The following RUFY2 variants were observed in gnomAD, a reference collection of about 807,000 sequenced individuals.
RUFY2 encodes RUN and FYVE domain-containing protein 2.
RUFY2 carries 49 observed loss-of-function variants against 94.4 expected under a neutral mutation model. That is an observed-to-expected ratio of 0.52 (90% confidence interval 0.41 to 0.66). The LOEUF is 0.66. RUFY2 is among the 30% of genes least tolerant of loss of function. RUFY2 has a pLI of 0.00. For missense variants in RUFY2, 541 were observed against 692.8 expected, an observed-to-expected ratio of 0.78 and a Z score of 2.46; for synonymous variants, 255 against 235.7, an observed-to-expected ratio of 1.08 and a Z score of -0.75.
chr10:68,394,225 T>C (rs930404388), intron 5 of RUFY2, 89 bp from the exon 6 acceptor site: 123 of 1,566,508 alleles, frequency 7.9e-5, no homozygotes, highest in Non-Finnish European at 4.3e-5. Context: ...AATATTCCTT[T>C]AGTGTTTAAC....
intron 4 of RUFY2, among the ~76,000 whole-genome samples, chr10:68,395,995 T>A (rs1450134372): frequency 1.3e-5 from 2 of 152,146 alleles, no homozygotes; most frequent in Non-Finnish European, 2.9e-5. Context: ...ATGTTTGGCC[T>A]TCGTTTTATT....
chr10:68,404,817 C>A lies in RUFY2; in HGVS notation c.32G>T (p.Arg11Ile). The A allele has an allele frequency of 1.9e-6, 3 of 1,600,140 alleles. No individual in the cohort carries two copies. Among genetic ancestry groups the A allele is most frequent in the Non-Finnish European group, 1.7e-6 (2 of 1,173,558 alleles). Residue 11 changes from arginine to isoleucine, a missense_variant, in exon 2 of 18, where the codon AGA becomes ATA. Arg to Ile is a moderately conservative substitution (Grantham distance 97). This residue lies in a region of RUFY2 where 53 missense variants were observed against 58.6 expected (regional missense o/e 0.90). Coordinates refer to ENST00000602465, the MANE Select transcript of RUFY2 (RefSeq NM_001330103.2). ...TTTAGCCATGTTTAACAAGTTTGCT[C>A]TCTCTACAGCTGTGGGGTCTTTTGT... MATKDPTAVE[R>I]ANLLNMAKLS...
In RUFY2 at chr10:68,345,671, G is replaced by A. The variant is rs573363026; in HGVS notation, c.*97C>T. 162 of 1,127,074 alleles carry A rather than the reference G, an allele frequency of 1.4e-4. 1 individual carries two copies. Among genetic ancestry groups the A allele is most frequent in the South Asian group, 3.3e-4 (21 of 63,146 alleles). The allele number at this position is 1,127,074 out of a possible 1,614,324, so 69.8% of individuals were successfully genotyped here. A position where few individuals can be genotyped will look rare whatever the true frequency, so the allele number is the denominator to read the frequency against. On this transcript the variant is annotated 3_prime_UTR_variant, in exon 18 of 18. Transcript: ENST00000602465. ...GATAAACTGGTACCAAATACTGACC[G>A]AAAGCCGCTTAAGGAGAGCTGTCTG...
At chr10:68,393,935 T>C in intron 6 of RUFY2, 140 bp downstream of exon 6, 2 of 1,400,774 alleles carry the variant, frequency 1.4e-6, no homozygotes, top group Non-Finnish European at 1.9e-6. Context: ...AAGCTTGTAA[T>C]GGAAGTGAAA....
Position 68,345,549 on chromosome 10 carries a change from A to C in RUFY2, c.*219T>G. ...CTGCTCTCTGGCCTTTTAATGAGTT[A>C]CATGATTTTTAAGCATGCTCTGTTG... On this transcript the variant is annotated 3_prime_UTR_variant, in exon 18 of 18. Coordinates refer to ENST00000602465, the MANE Select transcript of RUFY2 (RefSeq NM_001330103.2). 2.0e-6 allele frequency: 1 copy of C among 490,350 alleles called. No individual in the cohort carries two copies. The allele number at this position is 490,350 out of a possible 1,614,324, so 30.4% of individuals were successfully genotyped here.
At chr10:68,380,467 T>C (rs915257640) in intron 11 of RUFY2, among the ~76,000 whole-genome samples, 3 of 152,078 alleles carry the variant, frequency 2.0e-5, no homozygotes, top group Admixed American at 1.3e-4. Context: ...TTTTGGAAGA[T>C]GACAGAATAC....
chr10:68,380,640 T>G (rs1253813894), intron 11 of RUFY2, among the ~76,000 whole-genome samples: 2 of 152,198 alleles, frequency 1.3e-5, no homozygotes, highest in East Asian at 3.9e-4. Context: ...GGTGGGCGGA[T>G]CACCTGAGGT....
At chr10:68,394,553 G>T in intron 4 of RUFY2, 102 bp from the exon 5 acceptor site, 2 of 778,902 alleles carry the variant, frequency 2.6e-6, no homozygotes, top group Non-Finnish European at 4.2e-6. Flanking sequence ...TTACAGAAAT[G>T]GAAGCCATCT....
At chr10:68,351,728 G>A (rs559511350) in intron 16 of RUFY2, among the ~76,000 whole-genome samples, 23 of 150,184 alleles carry the variant, frequency 1.5e-4, no homozygotes, top group African/African-American at 2.2e-4. Flanking sequence ...GATTACAGGC[G>A]TGAGCCACTG....
intron 6 of RUFY2, chr10:68,393,728 CAA>C (rs1177351333): frequency 9.3e-4 from 218 of 233,566 alleles, no homozygotes; most frequent in South Asian, 1.7e-3. Context: ...GACTGTGTCT[CAA>C]AAAAAAAAAA....
At position 68,369,890 on chromosome 10, in the gene RUFY2, T is replaced by C. The variant is rs2048134958; in HGVS notation, c.1326-5777A>G. On this transcript the variant is annotated intron_variant, in intron 13 of 17. Coordinates refer to ENST00000602465, the MANE Select transcript of RUFY2 (RefSeq NM_001330103.2). ...TCACCAGAAGATGACCAAATGTAGCTGCCCAATCTTGGACTTCCCAGATTC... is the reference window on the plus strand; with the variant it reads ...TCACCAGAAGATGACCAAATGTAGCCGCCCAATCTTGGACTTCCCAGATTC... Among the ~76,000 whole-genome samples the C allele has an allele frequency of 3.3e-5, 5 of 152,220 alleles. No individual in the cohort carries two copies. In the South Asian group the frequency reaches 1.0e-3, roughly 31 times the overall value.
rs563117762 is a variant in RUFY2 at position 68,379,878 on chromosome 10, C to T, written c.1108-357G>A. 3.0e-4 allele frequency among the ~76,000 whole-genome samples: 45 copies of T among 151,300 alleles called. 1 individual carries two copies. The South Asian group carries it at 9.4e-3, about 32-fold the overall frequency. Reference sequence around the variant, plus strand: ...GCTGGAGTGCAGTGGCACCATCTCGCCTCACTGCAAGCTCCGCCTCTCAGG... The same window carrying T: ...GCTGGAGTGCAGTGGCACCATCTCGTCTCACTGCAAGCTCCGCCTCTCAGG... On this transcript the variant is annotated intron_variant, in intron 11 of 17. Coordinates refer to ENST00000602465, the MANE Select transcript of RUFY2 (RefSeq NM_001330103.2).
chr10:68,351,445 C>CT (rs71009049), intron 16 of RUFY2, among the ~76,000 whole-genome samples: 56 of 63,206 alleles, frequency 8.9e-4, no homozygotes, highest in Non-Finnish European at 1.1e-3. Flanking sequence ...CTCCACCCAT[C>CT]TTTTTTTTTT....
At chr10:68,373,988 T>C (rs1474603663) in intron 13 of RUFY2, among the ~76,000 whole-genome samples, 1 of 151,186 alleles carries the variant, frequency 6.6e-6, no homozygotes, top group Non-Finnish European at 1.5e-5. Flanking sequence ...GGTGGCACAA[T>C]GCCTAAGGTC....
chr10:68,394,567 T>C, intron 4 of RUFY2, 116 bp from the exon 5 acceptor site: 1 of 631,974 alleles, frequency 1.6e-6, no homozygotes, highest in Middle Eastern at 3.2e-4. Context: ...GCCATCTCAG[T>C]TAGGTGCCTT....
At chr10:68,377,436 G>C in intron 12 of RUFY2, 1 of 996,176 alleles carries the variant, frequency 1.0e-6, no homozygotes, top group Non-Finnish European at 1.2e-6. Context: ...CAAGAGCAAA[G>C]ACCTGCAATT....
chr10:68,384,218 G>A, intron 8 of RUFY2, 66 bp from the exon 9 acceptor site: 1 of 1,501,174 alleles, frequency 6.7e-7, no homozygotes. Context: ...TGCAGGTTAT[G>A]TGCATGGCCA....
At position 68,363,959 on chromosome 10, in the gene RUFY2, T is replaced by G. The variant is rs753197916; in HGVS notation, c.1455+25A>C. 5 of 1,515,178 alleles carry G rather than the reference T, an allele frequency of 3.3e-6. No individual in the cohort carries two copies. The African/African-American group carries it at 6.9e-5, about 21-fold the overall frequency. 93.9% of individuals were successfully genotyped at this position (1,515,178 alleles called of 1,614,324 possible). ...TAAGTTAACATTTGTCAAGACAGAA[T>G]TTTTAAAGTTTTACCACTATTTACT... On this transcript the variant is annotated intron_variant, in intron 14 of 17. Transcript: ENST00000602465.
At chr10:68,398,186 T>C (rs1474190156) in intron 3 of RUFY2, among the ~76,000 whole-genome samples, 1 of 136,560 alleles carries the variant, frequency 7.3e-6, no homozygotes, top group East Asian at 2.2e-4. Flanking sequence ...TTCAAAAACA[T>C]AGGTAACATT....
Sources: gnomAD v4.1 joint callset for allele counts (sites outside exome capture counted in the v4.1 genomes callset) on GRCh38, gnomAD v4.1.1 for gene constraint, gnomAD v4.1.1 regional missense constraint, MANE v1.5 for transcripts, NCBI Gene and HGNC (gene_info 2026-07-23, HGNC 2026-07-21) for gene names.